PPP4R2: variants seen among roughly 807,000 people sequenced by gnomAD.
PPP4R2 encodes protein phosphatase 4 regulatory subunit 2.
In PPP4R2, 13 loss-of-function variants were observed where a neutral mutation model predicts 47.2. The ratio of observed to expected loss-of-function variants is 0.28; its 90% confidence interval spans 0.18 to 0.44. The LOEUF is 0.44. Among genes scored for constraint, PPP4R2 ranks in the 20% least tolerant of loss-of-function variants. The pLI is 1.00. For missense variants in PPP4R2, 421 were observed against 491.2 expected (o/e 0.86, Z 1.35); for synonymous variants, 151 against 163.3 (o/e 0.92, Z 0.57).
At chr3:73,040,014 T>C (rs186419174) in intron 2 of PPP4R2, among the ~76,000 whole-genome samples, 18 of 152,246 alleles carry the variant, frequency 1.2e-4, no homozygotes, top group East Asian at 7.7e-4. Context: ...AGATCGCCAT[T>C]GCACTCCAGC....
intron 3 of PPP4R2, among the ~76,000 whole-genome samples, chr3:73,056,479 A>G (rs1210732189): frequency 6.6e-6 from 1 of 152,192 alleles, no homozygotes; most frequent in Non-Finnish European, 1.5e-5. Flanking sequence ...TAATATTTCC[A>G]GTGGATCCAT....
rs970585914 is a variant in PPP4R2, at chr3:73,066,465, A to T, written c.*743A>T. 6.6e-6 allele frequency: 1 copy of T among 151,938 alleles called. No homozygotes were observed. 9.4% of individuals were successfully genotyped at this position (151,938 alleles called of 1,614,324 possible). On this transcript the variant is annotated 3_prime_UTR_variant, in exon 9 of 9. Transcript: ENST00000356692. ...TACCAGGTTAAACACATTCCAAGAG[A>T]TCTGTTCAAACTCAAATTCTTTTGT...
chr3:73,010,155 A>T (rs1701693320), intron 2 of PPP4R2, among the ~76,000 whole-genome samples: 1 of 152,226 alleles, frequency 6.6e-6, no homozygotes, highest in African/African-American at 2.4e-5. Context: ...GTATTTTTTA[A>T]AATGTGGCAT....
chr3:73,016,362 C>T (rs1349350240), intron 2 of PPP4R2, among the ~76,000 whole-genome samples: 1 of 152,038 alleles, frequency 6.6e-6, no homozygotes, highest in Non-Finnish European at 1.5e-5. Context: ...TGGGGGCATG[C>T]TGCCGGCATC....
rs1053018413 is a variant in PPP4R2, at chr3:73,028,170, T to G, written c.117-19016T>G. Reference sequence around the variant, plus strand: ...TACTCAGGAAGCTGAGGCAGGAGAATAGCTTGAACCCAGGAGGTGGAGGTT... The same window carrying G: ...TACTCAGGAAGCTGAGGCAGGAGAAGAGCTTGAACCCAGGAGGTGGAGGTT... On this transcript the variant is annotated intron_variant, in intron 2 of 8. Transcript: ENST00000356692. Among the ~76,000 whole-genome samples the G allele has an allele frequency of 6.7e-5, 10 of 148,762 alleles. No individual in the cohort carries two copies. The South Asian group carries it at 1.5e-3, about 23-fold the overall frequency.
At chr3:73,002,620 TTTTCTTTTCTTTTC>T (rs1701494268) in intron 2 of PPP4R2, among the ~76,000 whole-genome samples, 2 of 96,316 alleles carry the variant, frequency 2.1e-5, no homozygotes, top group African/African-American at 4.8e-5. Flanking sequence ...TTTTCTTTTC[TTTTCTTTTCTTTTC>T]TTTTTTTTTT....
At chr3:73,023,573 A>G (rs1295844701) in intron 2 of PPP4R2, among the ~76,000 whole-genome samples, 3 of 152,228 alleles carry the variant, frequency 2.0e-5, no homozygotes, top group African/African-American at 4.8e-5. Context: ...ACACAGCTGC[A>G]TATTTAAAAT....
At chr3:73,010,505 A>G (rs1396555104) in intron 2 of PPP4R2, among the ~76,000 whole-genome samples, 1 of 152,098 alleles carries the variant, frequency 6.6e-6, no homozygotes, top group Non-Finnish European at 1.5e-5. Context: ...GTTGCTTAGA[A>G]GACAGTCATG....
intron 2 of PPP4R2, among the ~76,000 whole-genome samples, chr3:73,002,993 A>G (rs1701510081): frequency 2.0e-5 from 3 of 152,122 alleles, no homozygotes; most frequent in South Asian, 4.1e-4. Context: ...TCTCAAGAAC[A>G]CAGGCAGGGT....
chr3:73,006,373 A>G (rs895335194), intron 2 of PPP4R2, among the ~76,000 whole-genome samples: 2 of 151,502 alleles, frequency 1.3e-5, no homozygotes, highest in Non-Finnish European at 2.9e-5. Context: ...TAGTTTTTGT[A>G]TTTTTAGTAG....
chr3:73,062,837 A>G, intron 5 of PPP4R2: 1 of 1,613,884 alleles, frequency 6.2e-7, no homozygotes, highest in Non-Finnish European at 8.5e-7. Flanking sequence ...TTGGAGAATT[A>G]ATGTTCACAC....
chr3:73,021,806 A>G (rs1275725450), intron 2 of PPP4R2, among the ~76,000 whole-genome samples: 2 of 151,162 alleles, frequency 1.3e-5, no homozygotes, highest in Non-Finnish European at 2.9e-5. Context: ...ATCTGGTAGT[A>G]ATTTTAAAAA....
intron 2 of PPP4R2, among the ~76,000 whole-genome samples, chr3:73,014,531 C>T (rs896254445): frequency 6.6e-6 from 1 of 151,884 alleles, no homozygotes; most frequent in Admixed American, 6.6e-5. Context: ...TTGCTGAACT[C>T]AAGCAATTCT....
intron 2 of PPP4R2, among the ~76,000 whole-genome samples, chr3:73,009,427 T>G (rs1335201499): frequency 6.6e-6 from 1 of 152,138 alleles, no homozygotes; most frequent in Non-Finnish European, 1.5e-5. Context: ...CTCTTTAAAG[T>G]CACAAAGAGG....
intron 4 of PPP4R2, among the ~76,000 whole-genome samples, chr3:73,059,987 T>G (rs937724946): frequency 6.6e-6 from 1 of 151,230 alleles, no homozygotes; most frequent in South Asian, 2.1e-4. Flanking sequence ...TCAAGGTGTT[T>G]AAGGGAATGA....
chr3:73,030,816 C>T (rs1440105364), intron 2 of PPP4R2, among the ~76,000 whole-genome samples: 1 of 151,976 alleles, frequency 6.6e-6, no homozygotes, highest in African/African-American at 2.4e-5. Flanking sequence ...ATTATCCTGC[C>T]TCAGCCTCCT....
intron 2 of PPP4R2, among the ~76,000 whole-genome samples, chr3:73,007,500 CAG>C (rs915648088): frequency 6.6e-6 from 1 of 150,450 alleles, no homozygotes; most frequent in African/African-American, 2.5e-5. Flanking sequence ...TTTTGTGAGA[CAG>C]AGTCTCACTC....
rs565089325 is a variant in PPP4R2 at position 73,040,008 on chromosome 3, C to T, written c.117-7178C>T. ...GGCGGAGGTTGTAGTGAGCCGAGAT[C>T]GCCATTGCACTCCAGCCTGGGCGAC... On this transcript the variant is annotated intron_variant, in intron 2 of 8. Transcript: ENST00000356692. Among the ~76,000 whole-genome samples, 11 of 152,196 alleles carry T rather than the reference C, an allele frequency of 7.2e-5. No individual in the cohort carries two copies. The South Asian group carries it at 1.7e-3, about 23-fold the overall frequency.
intron 2 of PPP4R2, 71 bp from the exon 3 acceptor site, chr3:73,047,115 A>T (rs935434875): frequency 3.5e-6 from 3 of 850,744 alleles, no homozygotes; most frequent in Non-Finnish European, 3.6e-6. Context: ...AGTATATTTT[A>T]TATTTGTGTT....
Sources: allele counts gnomAD v4.1 joint callset (sites outside exome capture counted in the v4.1 genomes callset), GRCh38; gene constraint gnomAD v4.1.1; transcripts MANE v1.5; gene names NCBI Gene and HGNC (gene_info 2026-07-23, HGNC 2026-07-21).